Variants in ADARB2 observed in about 807,000 individuals in gnomAD.
ADARB2 encodes inactive double-stranded RNA-specific editase B2.
ADARB2 carries 25 observed loss-of-function variants against 62.2 expected under a neutral mutation model. The observed-to-expected ratio is 0.40, with a 90% CI of 0.29 to 0.56. The LOEUF (loss-of-function observed/expected upper bound fraction) is 0.56, where lower values mean the gene tolerates loss of function less well. Ranked by LOEUF, ADARB2 falls within the 20% of genes least tolerant of loss-of-function variation. ADARB2 has a pLI of 0.43. For missense variants in ADARB2, 1,071 were observed against 1,077.4 expected (o/e 0.99, Z 0.08); for synonymous variants, 572 against 500.8 (o/e 1.14, Z -1.90).
At chr10:1,603,128 T>C (rs1170206344) in intron 1 of ADARB2, among the ~76,000 whole-genome samples, 1 of 133,960 alleles carries the variant, frequency 7.5e-6, no homozygotes, top group East Asian at 2.5e-4. Context: ...CACACACCTA[T>C]ACACACATAA....
chr10:1,485,407 A>G (rs1170964402), intron 1 of ADARB2, among the ~76,000 whole-genome samples: 1 of 152,072 alleles, frequency 6.6e-6, no homozygotes, highest in African/African-American at 2.4e-5. Flanking sequence ...AGAGGCATGG[A>G]TATAGGTGCA....
chr10:1,360,878 CG>C (rs1470386295), intron 3 of ADARB2: 1 of 152,626 alleles, frequency 6.6e-6, no homozygotes, highest in East Asian at 1.9e-4. Context: ...GTTTCTCCAT[CG>C]TGAGAGCTCA....
At chr10:1,342,518 T>C (rs116022447) in intron 3 of ADARB2, among the ~76,000 whole-genome samples, 1,976 of 152,232 alleles carry the variant, frequency 0.013, 51 homozygotes, top group African/African-American at 0.045. Flanking sequence ...AGCCAGTCTT[T>C]CCCTCTCTCC....
intron 3 of ADARB2, among the ~76,000 whole-genome samples, chr10:1,338,395 T>C (rs1019315907): frequency 1.3e-5 from 2 of 151,786 alleles, no homozygotes; most frequent in African/African-American, 4.8e-5. Flanking sequence ...TTGAAACCAT[T>C]TTTCCCCATT....
intron 1 of ADARB2, among the ~76,000 whole-genome samples, chr10:1,402,665 C>G (rs902822075): frequency 6.6e-6 from 1 of 152,206 alleles, no homozygotes; most frequent in African/African-American, 2.4e-5. Context: ...CAGCTCCCAT[C>G]TCCTTCTGGT....
intron 4 of ADARB2, among the ~76,000 whole-genome samples, chr10:1,259,649 C>A (rs1831114799): frequency 6.6e-6 from 1 of 152,106 alleles, no homozygotes; most frequent in Non-Finnish European, 1.5e-5. Flanking sequence ...GAAATTGAGG[C>A]AATAATTAAT....
intron 1 of ADARB2, among the ~76,000 whole-genome samples, chr10:1,707,209 GC>G (rs1834900493): frequency 6.6e-6 from 1 of 152,222 alleles, no homozygotes; most frequent in South Asian, 2.1e-4. Context: ...CAGCACCGCG[GC>G]CCCGATCTGC....
chr10:1,598,015 CAG>C (rs1833356106), intron 1 of ADARB2, among the ~76,000 whole-genome samples: 1 of 152,218 alleles, frequency 6.6e-6, no homozygotes, highest in African/African-American at 2.4e-5. Flanking sequence ...AAAAATAACT[CAG>C]AGCATGTATC....
intron 1 of ADARB2, among the ~76,000 whole-genome samples, chr10:1,591,453 C>T (rs779299416): frequency 6.6e-6 from 1 of 152,184 alleles, no homozygotes; most frequent in Non-Finnish European, 1.5e-5. Flanking sequence ...CCAAAGGCAT[C>T]GAGACAGTGG....
chr10:1,667,739 C>A (rs887489512), intron 1 of ADARB2, among the ~76,000 whole-genome samples: 5 of 152,190 alleles, frequency 3.3e-5, no homozygotes, highest in African/African-American at 1.2e-4. Flanking sequence ...TAAAAAGCCA[C>A]AAATTAGAGG....
chr10:1,205,505 A>C (rs1311577654), intron 7 of ADARB2, among the ~76,000 whole-genome samples: 1 of 152,198 alleles, frequency 6.6e-6, no homozygotes, highest in Non-Finnish European at 1.5e-5. Context: ...CAGCTTCCCC[A>C]GGAGCTCACA....
intron 1 of ADARB2, among the ~76,000 whole-genome samples, chr10:1,399,495 C>A (rs1036461256): frequency 1.3e-5 from 2 of 152,152 alleles, no homozygotes; most frequent in Admixed American, 6.5e-5. Flanking sequence ...CCGACTGAAG[C>A]TCAGTCAATT....
chr10:1,623,081 G>A (rs1007585662), intron 1 of ADARB2, among the ~76,000 whole-genome samples: 3 of 152,176 alleles, frequency 2.0e-5, no homozygotes, highest in Admixed American at 6.5e-5. Flanking sequence ...AAGACGTGAC[G>A]TATGGCATGA....
chr10:1,582,912 C>A (rs993673082), intron 1 of ADARB2, among the ~76,000 whole-genome samples: 10 of 152,310 alleles, frequency 6.6e-5, no homozygotes, highest in African/African-American at 2.4e-4. Context: ...CTCTGATGAG[C>A]GTGTTAATGA....
chr10:1,603,287 C>T (rs954790580), intron 1 of ADARB2, among the ~76,000 whole-genome samples: 2 of 152,190 alleles, frequency 1.3e-5, no homozygotes, highest in Non-Finnish European at 2.9e-5. Context: ...GTGTCAGGGA[C>T]GGCCATGGCT....
Position 1,603,315 on chromosome 10 carries a change from C to T in ADARB2, c.100+133736G>A, listed in dbSNP as rs115139480. 4.7e-3 allele frequency among the ~76,000 whole-genome samples: 722 copies of T among 152,282 alleles called. 2 individuals are homozygous for T. Among genetic ancestry groups the T allele is most frequent in the African/African-American group, 0.016 (658 of 41,542 alleles). On this transcript the variant is annotated intron_variant, in intron 1 of 9. Transcript: ENST00000381312. Reference sequence around the variant, plus strand: ...CCATGGCTATGGCTCTTCCTGGTGCCGCATTGACAAGGGCCAGGAAGCAGC... The same window carrying T: ...CCATGGCTATGGCTCTTCCTGGTGCTGCATTGACAAGGGCCAGGAAGCAGC...
At chr10:1,602,147 G>A (rs1409476374) in intron 1 of ADARB2, among the ~76,000 whole-genome samples, 6 of 152,184 alleles carry the variant, frequency 3.9e-5, no homozygotes, top group Non-Finnish European at 7.3e-5. Flanking sequence ...CTGTCCTGCA[G>A]TGGGTTCTGC....
At chr10:1,572,334 T>C (rs554869443) in intron 1 of ADARB2, among the ~76,000 whole-genome samples, 1 of 152,204 alleles carries the variant, frequency 6.6e-6, no homozygotes, top group African/African-American at 2.4e-5. Context: ...TGGGCACCTG[T>C]TTATCTCAGG....
intron 8 of ADARB2, among the ~76,000 whole-genome samples, chr10:1,187,341 C>T (rs978849727): frequency 1.3e-5 from 2 of 152,144 alleles, no homozygotes; most frequent in African/African-American, 4.8e-5. Flanking sequence ...GCAGCCTCCC[C>T]TCCTCCTCCC....
Sources: allele counts gnomAD v4.1 joint callset (sites outside exome capture counted in the v4.1 genomes callset), GRCh38; gene constraint gnomAD v4.1.1; transcripts MANE v1.5; gene names NCBI Gene and HGNC (gene_info 2026-07-23, HGNC 2026-07-21).